C1QTNF9: variants seen among roughly 807,000 people sequenced by gnomAD.
The protein encoded by C1QTNF9 is C1q and TNF related 9, also known as complement C1q and tumor necrosis factor-related protein 9A.
In C1QTNF9, 6 loss-of-function variants were observed where a neutral mutation model predicts 10.1. The ratio of observed to expected loss-of-function variants is 0.59; its 90% confidence interval spans 0.32 to 1.17. The LOEUF (loss-of-function observed/expected upper bound fraction) is 1.17. Ranked by LOEUF, C1QTNF9 falls within the 50% of genes most tolerant of loss-of-function variation. The pLI, the probability that C1QTNF9 is intolerant of heterozygous loss-of-function variation, is 0.04. For synonymous variants in C1QTNF9, 98 were observed against 163.5 expected, an observed-to-expected ratio of 0.60 and a Z score of 3.06; for missense variants, 201 against 418.8, an observed-to-expected ratio of 0.48 and a Z score of 4.54.
chr13:24,315,241 C>T (rs921223105), intron 1 of C1QTNF9, among the ~76,000 whole-genome samples: 4 of 152,182 alleles, frequency 2.6e-5, no homozygotes, highest in African/African-American at 9.7e-5. Context: ...AACCTCCATC[C>T]TACTTTTTCT....
At chr13:24,308,268 G>C (rs1593528715), upstream of C1QTNF9, among the ~76,000 whole-genome samples, 1 of 152,214 alleles carries the variant, frequency 6.6e-6, no homozygotes, top group Admixed American at 6.5e-5. Context: ...GCAGCGAGAC[G>C]GGTGTCCCCA....
At chr13:24,321,589 C>A (rs1310619235) in exon 4 of C1QTNF9, 3 of 1,614,080 alleles carry the variant, frequency 1.9e-6, no homozygotes, top group Non-Finnish European at 2.5e-6. Context: ...AAAAATACTG[C>A]ACACCAAAGA....
chr13:24,315,160 T>C (rs1877978758), intron 1 of C1QTNF9, among the ~76,000 whole-genome samples: 1 of 152,182 alleles, frequency 6.6e-6, no homozygotes, highest in South Asian at 2.1e-4. Context: ...CAGAACTCTT[T>C]TAAAATCTTC....
At chr13:24,312,881 G>C (rs944347350) in intron 1 of C1QTNF9, among the ~76,000 whole-genome samples, 24 of 151,680 alleles carry the variant, frequency 1.6e-4, no homozygotes, top group African/African-American at 5.8e-4. Flanking sequence ...TGCGAACCCG[G>C]GAGGCAGAGC....
intron 1 of C1QTNF9, among the ~76,000 whole-genome samples, chr13:24,313,862 T>C (rs1877929682): frequency 1.3e-5 from 2 of 152,242 alleles, no homozygotes; most frequent in Non-Finnish European, 2.9e-5. Context: ...TAAGTACATT[T>C]ATAATGTGCA....
intron 2 of C1QTNF9, among the ~76,000 whole-genome samples, chr13:24,318,074 G>A (rs1339530836): frequency 6.6e-6 from 1 of 152,130 alleles, no homozygotes. Context: ...CTGAAGTATG[G>A]GAGTCTCTGC....
intron 1 of C1QTNF9, 39 bp from the exon 2 acceptor site, chr13:24,315,943 C>T (rs1334957760): frequency 6.2e-7 from 1 of 1,608,242 alleles, no homozygotes; most frequent in South Asian, 1.1e-5. Flanking sequence ...GCCCCAGCAA[C>T]AAAGATTTCT....
At chr13:24,318,489 C>T (rs1878124125) in intron 2 of C1QTNF9, among the ~76,000 whole-genome samples, 1 of 150,740 alleles carries the variant, frequency 6.6e-6, no homozygotes, top group African/African-American at 2.4e-5. Flanking sequence ...GTCCTTGTCG[C>T]AGGAGAGGAA....
intron 2 of C1QTNF9, among the ~76,000 whole-genome samples, chr13:24,318,228 T>A (rs1314457138): frequency 2.0e-5 from 3 of 152,056 alleles, no homozygotes; most frequent in Admixed American, 6.6e-5. Flanking sequence ...AGGACTTGAG[T>A]GTAGTCAGCA....
At chr13:24,308,678 G>C (rs1277857277), upstream of C1QTNF9, among the ~76,000 whole-genome samples, 4 of 152,106 alleles carry the variant, frequency 2.6e-5, no homozygotes, top group Non-Finnish European at 5.9e-5. Context: ...TGCTCTGTGC[G>C]TGGCCTCGCC....
intron 1 of C1QTNF9, among the ~76,000 whole-genome samples, chr13:24,313,705 T>G (rs775269954): frequency 3.3e-5 from 5 of 152,212 alleles, no homozygotes; most frequent in Non-Finnish European, 7.3e-5. Flanking sequence ...TCTTGCTGGT[T>G]TTCAAAATCT....
rs11839369 is a variant in C1QTNF9 at position 24,311,031 on chromosome 13, C to T, written c.-23+1415C>T. ...CCTAGAGCTATTTTGACTCTTAGAT[C>T]GTCAGATCCGGGAGGGCATTCGTCC... On this transcript the variant is annotated intron_variant, in intron 1 of 3. Coordinates refer to ENST00000332018, the Ensembl canonical transcript of C1QTNF9. 2.5e-3 allele frequency among the ~76,000 whole-genome samples: 376 copies of T among 152,052 alleles called. 1 individual carries two copies. The highest frequency in any genetic ancestry group is 8.7e-3 in the African/African-American group (360 of 41,472).
At position 24,321,618 on chromosome 13, in the gene C1QTNF9, G is replaced by A. The variant is rs1290450535; in HGVS notation, c.852G>A (p.Glu284=). The A allele has an allele frequency of 1.9e-6, 3 of 1,614,208 alleles. No homozygotes were observed. In the African/African-American group the frequency reaches 4.0e-5, roughly 22 times the overall value. Residue 284 remains glutamate, a synonymous_variant, in exon 4 of 4, where the codon GAG becomes GAA. Transcript: ENST00000332018. The stretch of plus-strand genomic sequence containing the variant: ...CCAAAGATGCTTACATGAGCTCTGA[G>A]GACCAGGCCTCTGGCGGCATTGTCC...
At chr13:24,321,760 A>G in exon 4 of C1QTNF9, 1 of 1,566,142 alleles carries the variant, frequency 6.4e-7, no homozygotes, top group Non-Finnish European at 8.7e-7. Context: ...TCTGTTCAGC[A>G]GCCCGTGACA....
At chr13:24,318,516 A>G (rs1258329008) in intron 2 of C1QTNF9, among the ~76,000 whole-genome samples, 1 of 151,704 alleles carries the variant, frequency 6.6e-6, no homozygotes, top group Admixed American at 6.6e-5. Flanking sequence ...CGTGACAGTC[A>G]GTCCCCATTG....
intron 3 of C1QTNF9, among the ~76,000 whole-genome samples, chr13:24,320,106 C>G (rs1423347279): frequency 6.6e-6 from 1 of 151,898 alleles, no homozygotes; most frequent in Non-Finnish European, 1.5e-5. Flanking sequence ...GGCAATGCCT[C>G]GATGCAGGCT....
At chr13:24,307,917 C>A (rs1306052414), upstream of C1QTNF9, among the ~76,000 whole-genome samples, 1 of 152,226 alleles carries the variant, frequency 6.6e-6, no homozygotes. Flanking sequence ...GAGGATGGAG[C>A]CCTTTTCCCT....
chr13:24,314,626 T>C (rs1358396222), intron 1 of C1QTNF9, among the ~76,000 whole-genome samples: 1 of 152,024 alleles, frequency 6.6e-6, no homozygotes, highest in African/African-American at 2.4e-5. Flanking sequence ...TGAGCAGAGA[T>C]CGGCCATTGC....
rs771404804 is a variant in C1QTNF9 at position 24,321,646 on chromosome 13, C to A, written c.880C>A (p.Gln294Lys). 14 of 1,614,078 alleles carry A rather than the reference C, an allele frequency of 8.7e-6. No individual in the cohort carries two copies. In the Admixed American group the frequency reaches 2.3e-4, roughly 27 times the overall value. ...CCAGGCCTCTGGCGGCATTGTCCTG[C>A]AGCTGAAGCTCGGGGATGAGGTGTG... The change falls in exon 4 of 4, where the codon CAG becomes AAG. Residue 294 changes from glutamine to lysine, a missense_variant. Gln to Lys is a moderately conservative substitution (Grantham distance 53). Transcript: ENST00000332018.
Sources: gnomAD v4.1 joint callset for allele counts (sites outside exome capture counted in the v4.1 genomes callset) on GRCh38, gnomAD v4.1.1 for gene constraint, MANE v1.5 for transcripts, NCBI Gene and HGNC (gene_info 2026-07-23, HGNC 2026-07-21) for gene names.